Variants in STXBP5L observed in about 807,000 individuals in gnomAD.
STXBP5L encodes syntaxin-binding protein 5-like.
Under a neutral mutation model 144.5 loss-of-function variants are expected in STXBP5L, and 65 were observed. The observed-to-expected ratio is 0.45, with a 90% CI of 0.37 to 0.55. The LOEUF (loss-of-function observed/expected upper bound fraction) is 0.55, where lower values mean the gene tolerates loss of function less well. Ranked by LOEUF, STXBP5L falls within the 20% of genes least tolerant of loss-of-function variation. The probability of loss-of-function intolerance (pLI) is 0.00; values close to 1 mark genes in which losing one functional copy is unlikely to be tolerated. For synonymous variants in STXBP5L, 505 were observed against 469.6 expected, an observed-to-expected ratio of 1.08 and a Z score of -0.97; for missense variants, 1,298 against 1,405.5, an observed-to-expected ratio of 0.92 and a Z score of 1.22.
At position 121,177,406 on chromosome 3, in the gene STXBP5L, A is replaced by G. The variant is rs138773197; in HGVS notation, c.877+19779A>G. Among the ~76,000 whole-genome samples the G allele has an allele frequency of 5.3e-5, 8 of 151,870 alleles. No homozygotes were observed. The East Asian group carries it at 1.5e-3, about 29-fold the overall frequency. On this transcript the variant is annotated intron_variant, in intron 9 of 26. Coordinates refer to ENST00000471454, the MANE Select transcript of STXBP5L (RefSeq NM_001308330.2). ...AAAATGTAAAGAATTCCTACAACTCAACAACAACAACTACAAATAACTGAA... is the reference window on the plus strand; with the variant it reads ...AAAATGTAAAGAATTCCTACAACTCGACAACAACAACTACAAATAACTGAA...
chr3:120,926,885 A>G (rs2107604336), intron 2 of STXBP5L, among the ~76,000 whole-genome samples: 1 of 151,948 alleles, frequency 6.6e-6, no homozygotes, highest in East Asian at 1.9e-4. Flanking sequence ...TTTGATTTTT[A>G]AGAATCATTT....
intron 9 of STXBP5L, among the ~76,000 whole-genome samples, chr3:121,164,324 C>T (rs2046426669): frequency 6.6e-6 from 1 of 152,130 alleles, no homozygotes; most frequent in South Asian, 2.1e-4. Flanking sequence ...ATTAGGATGG[C>T]TGTTATCAAA....
chr3:121,021,754 A>C (rs554818541), intron 3 of STXBP5L, among the ~76,000 whole-genome samples: 44 of 152,338 alleles, frequency 2.9e-4, no homozygotes, highest in Non-Finnish European at 5.3e-4. Flanking sequence ...CTCCTGGAAT[A>C]CAGCAAAGCT....
At chr3:121,069,129 C>G (rs2041689402) in intron 5 of STXBP5L, among the ~76,000 whole-genome samples, 1 of 152,074 alleles carries the variant, frequency 6.6e-6, no homozygotes, top group Non-Finnish European at 1.5e-5. Flanking sequence ...CTTGTGCTAC[C>G]CATTTATAGT....
At chr3:121,247,339 T>C (rs1456977572) in intron 14 of STXBP5L, among the ~76,000 whole-genome samples, 1 of 152,238 alleles carries the variant, frequency 6.6e-6, no homozygotes, top group African/African-American at 2.4e-5. Context: ...CTAGTTTCTT[T>C]TCTTTTGAAA....
At chr3:121,313,737 A>AC (rs551135993) in intron 19 of STXBP5L, among the ~76,000 whole-genome samples, 21,070 of 73,122 alleles carry the variant, frequency 0.29, 3,284 homozygotes, top group Admixed American at 0.42. Flanking sequence ...CGGGGGGCTG[A>AC]CCCCCCCCAC....
intron 20 of STXBP5L, among the ~76,000 whole-genome samples, chr3:121,320,269 A>G (rs1313862232): frequency 6.6e-6 from 1 of 151,588 alleles, no homozygotes; most frequent in Non-Finnish European, 1.5e-5. Flanking sequence ...TTTTCCTATT[A>G]TTGTGTTATT....
At chr3:121,213,053 T>C (rs1233791092) in intron 10 of STXBP5L, among the ~76,000 whole-genome samples, 1 of 152,210 alleles carries the variant, frequency 6.6e-6, no homozygotes, top group African/African-American at 2.4e-5. Context: ...TTTTTGCAAA[T>C]TAGTTTTGTA....
At chr3:121,410,820 A>G (rs1433861430) in intron 23 of STXBP5L, among the ~76,000 whole-genome samples, 1 of 152,030 alleles carries the variant, frequency 6.6e-6, no homozygotes, top group Admixed American at 6.6e-5. Context: ...TTCTTCTGTT[A>G]TAAGAGCAAT....
chr3:120,994,803 T>G (rs529647500), intron 3 of STXBP5L, among the ~76,000 whole-genome samples: 22 of 152,198 alleles, frequency 1.4e-4, no homozygotes, highest in African/African-American at 4.8e-4. Context: ...TACATTGAAT[T>G]AGGGGGAATT....
At chr3:121,341,636 T>C (rs1177331518) in intron 20 of STXBP5L, among the ~76,000 whole-genome samples, 1 of 152,098 alleles carries the variant, frequency 6.6e-6, no homozygotes, top group Non-Finnish European at 1.5e-5. Flanking sequence ...AGTGGATGAA[T>C]GGATAAAGAA....
intron 11 of STXBP5L, among the ~76,000 whole-genome samples, chr3:121,224,885 A>G (rs942458227): frequency 9.2e-5 from 14 of 152,166 alleles, no homozygotes; most frequent in South Asian, 2.1e-4. Flanking sequence ...GCCTTGAGGA[A>G]GAAGATGTGT....
At chr3:121,258,587 G>T (rs1409909097) in intron 17 of STXBP5L, among the ~76,000 whole-genome samples, 5 of 152,118 alleles carry the variant, frequency 3.3e-5, no homozygotes, top group East Asian at 1.9e-4. Context: ...TAATTGGTTT[G>T]TTGGGAAGTA....
At chr3:121,286,013 T>C (rs955807443) in intron 19 of STXBP5L, among the ~76,000 whole-genome samples, 4 of 152,206 alleles carry the variant, frequency 2.6e-5, no homozygotes, top group African/African-American at 7.2e-5. Flanking sequence ...GCAACAGTTC[T>C]ACTTATGATA....
chr3:121,394,404 CT>C (rs35932511), intron 22 of STXBP5L, among the ~76,000 whole-genome samples: 116,752 of 148,278 alleles, frequency 0.79, 45,917 homozygotes, highest in East Asian at 0.89. Flanking sequence ...ATTTGAATGC[CT>C]TTTTTTTTTT....
In STXBP5L at chr3:121,274,219, C is replaced by T. The variant is rs186561417; in HGVS notation, c.1959-5586C>T. 3.7e-3 allele frequency among the ~76,000 whole-genome samples: 570 copies of T among 152,136 alleles called. 30 individuals are homozygous for T. The South Asian group carries it at 0.1, about 28-fold the overall frequency. On this transcript the variant is annotated intron_variant, in intron 18 of 26. Coordinates refer to ENST00000471454, the MANE Select transcript of STXBP5L (RefSeq NM_001308330.2). ...TGATCTGGTCTTTTTGAAGTAGATA[C>T]AGTGGGGAAATGCTTTCAGCTGTGA...
intron 18 of STXBP5L, among the ~76,000 whole-genome samples, chr3:121,266,838 CAAAG>C (rs1168678863): frequency 1.3e-5 from 2 of 151,696 alleles, no homozygotes; most frequent in African/African-American, 2.4e-5. Flanking sequence ...CAACAACAGA[CAAAG>C]AGAGTGAACT....
chr3:121,170,661 A>G (rs1458148002), intron 9 of STXBP5L, among the ~76,000 whole-genome samples: 1 of 152,242 alleles, frequency 6.6e-6, no homozygotes, highest in Non-Finnish European at 1.5e-5. Flanking sequence ...CAATCCCTGA[A>G]CAGACCAATT....
chr3:121,301,208 C>G lies in STXBP5L; in HGVS notation c.2111-17267C>G, dbSNP rs545571734. Among the ~76,000 whole-genome samples the G allele has an allele frequency of 3.3e-5, 5 of 152,236 alleles. No individual in the cohort carries two copies. The South Asian group carries it at 1.0e-3, about 32-fold the overall frequency. On this transcript the variant is annotated intron_variant, in intron 19 of 26. Transcript: ENST00000471454. ...GGAATGTTCTTCCATTTGTTTGTAT[C>G]CTCCTTTATTTCGTTGAGCAGTGGT...
Sources: gnomAD v4.1 joint callset for allele counts (sites outside exome capture counted in the v4.1 genomes callset) on GRCh38, gnomAD v4.1.1 for gene constraint, MANE v1.5 for transcripts, NCBI Gene and HGNC (gene_info 2026-07-23, HGNC 2026-07-21) for gene names.